The following MARCHF1 variants were observed in gnomAD, a reference collection of about 807,000 sequenced individuals.
MARCHF1 encodes membrane associated ring-CH-type finger 1, also known as E3 ubiquitin-protein ligase MARCHF1.
Under a neutral mutation model 54.2 loss-of-function variants are expected in MARCHF1, and 40 were observed. That is an observed-to-expected ratio of 0.74 (90% CI 0.57 to 0.96). The LOEUF (loss-of-function observed/expected upper bound fraction) is 0.96, where lower values mean the gene tolerates loss of function less well. Ranked by LOEUF, MARCHF1 falls within the 40% of genes least tolerant of loss-of-function variation. MARCHF1 has a pLI of 0.00. For missense variants in MARCHF1, 586 were observed against 656.5 expected (o/e 0.89, Z 1.17); for synonymous variants, 236 against 236.3 (o/e 1.00, Z 0.01).
At chr4:164,156,172 G>T (rs1374379442) in intron 1 of MARCHF1, among the ~76,000 whole-genome samples, 1 of 152,100 alleles carries the variant, frequency 6.6e-6, no homozygotes, top group Non-Finnish European at 1.5e-5. Flanking sequence ...ACTTTTAGAG[G>T]TGAGGCCCCC....
chr4:164,325,653 C>G (rs572562817), intron 1 of MARCHF1, among the ~76,000 whole-genome samples: 11 of 151,716 alleles, frequency 7.3e-5, no homozygotes, highest in South Asian at 4.2e-4. Flanking sequence ...CGCTTGAACC[C>G]AGGAGGTGGA....
chr4:164,340,418 T>G lies in MARCHF1; in HGVS notation c.-323+43452A>C, dbSNP rs538420794. Among the ~76,000 whole-genome samples, 55 of 124,148 alleles carry G rather than the reference T, an allele frequency of 4.4e-4. 3 individuals are homozygous for G. Among genetic ancestry groups the G allele is most frequent in the African/African-American group, 1.4e-3 (48 of 33,494 alleles). The allele number at this position is 124,148 out of a possible 152,430, so 81.4% of individuals were successfully genotyped here. On this transcript the variant is annotated intron_variant, in intron 1 of 9. Transcript: ENST00000514618. ...CCAGGCCTTGATTTATATATAGATA[T>G]ATATATATATATATATAGTTTGTTT...
chr4:164,274,833 T>G (rs1246031557), intron 1 of MARCHF1, among the ~76,000 whole-genome samples: 1 of 151,194 alleles, frequency 6.6e-6, no homozygotes, highest in African/African-American at 2.4e-5. Flanking sequence ...CCCGCCACTA[T>G]GCCCTGCTAA....
chr4:163,822,590 T>C (rs1748725165), intron 4 of MARCHF1, among the ~76,000 whole-genome samples: 1 of 151,940 alleles, frequency 6.6e-6, no homozygotes, highest in South Asian at 2.1e-4. Context: ...AAAAAATTTA[T>C]TTTAAAAATT....
chr4:163,580,062 A>ATTATTTATTTATTTATTTATTTATTTAT (rs3085769), intron 8 of MARCHF1, among the ~76,000 whole-genome samples: 6 of 144,212 alleles, frequency 4.2e-5, no homozygotes, highest in Non-Finnish European at 7.6e-5. Flanking sequence ...AGCCTTATTT[A>ATTATTTATTTATTTATTTATTTATTTAT]TTATTTATTT....
intron 2 of MARCHF1, among the ~76,000 whole-genome samples, chr4:164,032,126 G>A (rs1753890163): frequency 6.6e-6 from 1 of 152,170 alleles, no homozygotes; most frequent in Admixed American, 6.5e-5. Context: ...GCATAGTGGT[G>A]TTTATTGTAT....
At chr4:164,306,782 ATAAT>A (rs1411203869) in intron 1 of MARCHF1, among the ~76,000 whole-genome samples, 1 of 152,220 alleles carries the variant, frequency 6.6e-6, no homozygotes, top group Non-Finnish European at 1.5e-5. Context: ...AAGAGAGCCC[ATAAT>A]TAATAAATCA....
chr4:163,754,683 C>T (rs1746614522), intron 4 of MARCHF1, among the ~76,000 whole-genome samples: 1 of 151,966 alleles, frequency 6.6e-6, no homozygotes, highest in Admixed American at 6.6e-5. Flanking sequence ...ACCTAAAATT[C>T]CACAATTAAA....
chr4:163,612,709 T>C lies in MARCHF1; in HGVS notation c.572A>G (p.Asn191Ser). The change falls in exon 7 of 10, where the codon AAT becomes AGT. Residue 191 changes from asparagine to serine, a missense_variant. Physicochemically the swap from Asn to Ser is conservative, Grantham distance 46. This residue lies in a region of MARCHF1 where 387 missense variants were observed against 394.6 expected (regional missense o/e 0.98). Transcript: ENST00000514618. ...AGCTAAGTTTTCACACGGCTTATTA[T>C]TATTTCTCCTCCTTCTTCTTGACAG... ...FRLSRRRRRNNNKPCENLAGS... is the reference protein window; with the variant it reads ...FRLSRRRRRNSNKPCENLAGS... 1 of 1,535,564 alleles carries C rather than the reference T, an allele frequency of 6.5e-7. No homozygotes were observed. The highest frequency in any genetic ancestry group is 8.7e-7 in the Non-Finnish European group (1 of 1,146,526).
intron 2 of MARCHF1, among the ~76,000 whole-genome samples, chr4:164,041,796 T>A (rs1234721630): frequency 6.6e-6 from 1 of 152,174 alleles, no homozygotes; most frequent in Non-Finnish European, 1.5e-5. Context: ...TGATGTAGGG[T>A]GCTTGAGAAG....
intron 9 of MARCHF1, among the ~76,000 whole-genome samples, chr4:163,543,689 G>A (rs1410279362): frequency 3.9e-5 from 6 of 152,180 alleles, no homozygotes; most frequent in African/African-American, 1.4e-4. Context: ...CGTGTTCATT[G>A]TAGGGTAAAT....
At chr4:163,613,538 G>A (rs1415255413) in intron 5 of MARCHF1, 145 bp from the exon 6 acceptor site, 1 of 1,555,598 alleles carries the variant, frequency 6.4e-7, no homozygotes, top group Admixed American at 1.9e-5. Context: ...AATATAGGAA[G>A]TTTGAGGTTG....
chr4:163,867,617 A>G (rs1164338651), intron 3 of MARCHF1, among the ~76,000 whole-genome samples: 1 of 151,754 alleles, frequency 6.6e-6, no homozygotes, highest in Admixed American at 6.6e-5. Context: ...CTGACTACCA[A>G]GGCTTTCTTT....
At chr4:163,668,967 C>T (rs190642239) in intron 5 of MARCHF1, among the ~76,000 whole-genome samples, 8 of 152,256 alleles carry the variant, frequency 5.3e-5, no homozygotes, top group East Asian at 1.9e-4. Flanking sequence ...CATTTCAGTT[C>T]TGCAGACTGA....
chr4:164,300,100 C>G (rs1734514865), intron 1 of MARCHF1, among the ~76,000 whole-genome samples: 1 of 152,026 alleles, frequency 6.6e-6, no homozygotes, highest in South Asian at 2.1e-4. Flanking sequence ...TTTCTAGAAC[C>G]AGAACACTTC....
chr4:164,042,772 T>C (rs1754156023), intron 2 of MARCHF1, among the ~76,000 whole-genome samples: 1 of 152,046 alleles, frequency 6.6e-6, no homozygotes, highest in Admixed American at 6.5e-5. Context: ...ACCTGTAAAA[T>C]CAAAAACTAG....
intron 4 of MARCHF1, among the ~76,000 whole-genome samples, chr4:163,809,386 T>C (rs1444224215): frequency 6.6e-6 from 1 of 152,212 alleles, no homozygotes; most frequent in Non-Finnish European, 1.5e-5. Flanking sequence ...TTGCATTTTA[T>C]AATGGCATCT....
At chr4:163,618,348 G>A (rs779209297) in intron 5 of MARCHF1, among the ~76,000 whole-genome samples, 3 of 152,076 alleles carry the variant, frequency 2.0e-5, no homozygotes, top group Admixed American at 6.6e-5. Flanking sequence ...AGTGTGATAA[G>A]TTAATACGCC....
chr4:164,296,210 A>G (rs910458435), intron 1 of MARCHF1, among the ~76,000 whole-genome samples: 2 of 152,178 alleles, frequency 1.3e-5, no homozygotes, highest in African/African-American at 4.8e-5. Context: ...TCAATCAAAC[A>G]ATCATATGTT....
Sources: gnomAD v4.1 joint callset for allele counts (sites outside exome capture counted in the v4.1 genomes callset) on GRCh38, gnomAD v4.1.1 for gene constraint, gnomAD v4.1.1 regional missense constraint, MANE v1.5 for transcripts, NCBI Gene and HGNC (gene_info 2026-07-23, HGNC 2026-07-21) for gene names.